Variants in GHR observed in about 807,000 individuals in gnomAD.
GHR encodes GH receptor.
In GHR, 35 loss-of-function variants were observed where a neutral mutation model predicts 67.1. The observed-to-expected ratio is 0.52, with a 90% CI of 0.40 to 0.69. GHR has a LOEUF of 0.69. GHR is among the 30% of genes least tolerant of loss of function. The probability of loss-of-function intolerance (pLI) is 0.00; values close to 1 mark genes in which losing one functional copy is unlikely to be tolerated. For synonymous variants in GHR, 272 were observed against 269.1 expected, an observed-to-expected ratio of 1.01 and a Z score of -0.10; for missense variants, 792 against 764.6, an observed-to-expected ratio of 1.04 and a Z score of -0.42.
intron 1 of GHR, among the ~76,000 whole-genome samples, chr5:42,553,967 G>A (rs1749172653): frequency 6.6e-6 from 1 of 152,154 alleles, no homozygotes; most frequent in South Asian, 2.1e-4. Context: ...GGGAGATTGA[G>A]ATATTTCTTT....
At chr5:42,544,623 C>A (rs987935775) in intron 1 of GHR, among the ~76,000 whole-genome samples, 3 of 152,118 alleles carry the variant, frequency 2.0e-5, no homozygotes, top group African/African-American at 4.8e-5. Flanking sequence ...AAACTAGAAG[C>A]GATCTATATC....
At chr5:42,521,603 A>T (rs1747478546) in intron 1 of GHR, among the ~76,000 whole-genome samples, 1 of 152,230 alleles carries the variant, frequency 6.6e-6, no homozygotes, top group Admixed American at 6.5e-5. Context: ...AACGATTTTC[A>T]TCTGCCAAAG....
At chr5:42,446,254 T>C (rs952452461) in intron 1 of GHR, among the ~76,000 whole-genome samples, 7 of 152,182 alleles carry the variant, frequency 4.6e-5, no homozygotes, top group African/African-American at 1.7e-4. Context: ...GGAGGAGTTA[T>C]GAGAGACTTC....
chr5:42,635,497 C>T (rs1754135098), intron 3 of GHR, among the ~76,000 whole-genome samples: 1 of 152,154 alleles, frequency 6.6e-6, no homozygotes, highest in Admixed American at 6.5e-5. Context: ...ACAGTCTTTA[C>T]TTATATGGAC....
chr5:42,437,679 G>C (rs1743388507), intron 1 of GHR, among the ~76,000 whole-genome samples: 2 of 151,562 alleles, frequency 1.3e-5, no homozygotes, highest in Non-Finnish European at 2.9e-5. Context: ...TCCTGAGTAG[G>C]TGGGACTACA....
At chr5:42,501,370 T>A (rs961149238) in intron 1 of GHR, among the ~76,000 whole-genome samples, 3 of 150,936 alleles carry the variant, frequency 2.0e-5, no homozygotes, top group Admixed American at 6.6e-5. Context: ...CTTTTTTTTT[T>A]ATCATTACAT....
intron 1 of GHR, among the ~76,000 whole-genome samples, chr5:42,490,985 CTGT>C (rs1746090676): frequency 6.6e-6 from 1 of 152,216 alleles, no homozygotes; most frequent in African/African-American, 2.4e-5. Context: ...ACAGTGCCAG[CTGT>C]TGTCATAATA....
rs114020587 is a variant in GHR at position 42,666,118 on chromosome 5, A to G, written c.137-22772A>G. Among the ~76,000 whole-genome samples the G allele has an allele frequency of 4.8e-3, 710 of 149,384 alleles. 6 individuals carry two copies. Among genetic ancestry groups the G allele is most frequent in the African/African-American group, 0.017 (678 of 40,454 alleles). ...TTCAGCAACAGTTTTCAGGTCTTCT[A>G]TTTTTAAGCCTAATGCAATATATTT... On this transcript the variant is annotated intron_variant, in intron 3 of 9. Transcript: ENST00000230882.
At chr5:42,444,177 A>T (rs1202109968) in intron 1 of GHR, among the ~76,000 whole-genome samples, 7 of 152,214 alleles carry the variant, frequency 4.6e-5, no homozygotes, top group Non-Finnish European at 1.0e-4. Context: ...GAATATAGAA[A>T]TTATACTACA....
chr5:42,718,187 T>C, intron 9 of GHR, 66 bp downstream of exon 9: 1 of 878,498 alleles, frequency 1.1e-6, no homozygotes. Context: ...CTGTCATATG[T>C]TGAAGGTTTT....
In GHR at chr5:42,482,481, G is replaced by A. The variant is rs574209443; in HGVS notation, c.-12+58526G>A. Among the ~76,000 whole-genome samples, 5 of 152,326 alleles carry A rather than the reference G, an allele frequency of 3.3e-5. No homozygotes were observed. The South Asian group carries it at 1.0e-3, about 32-fold the overall frequency. The stretch of plus-strand genomic sequence containing the variant: ...TTTGTCTGTGCCCTGCCCTCAGAGA[G>A]GGAGCCTACAGAGGCAGGCAGGCCT... On this transcript the variant is annotated intron_variant, in intron 1 of 9. Transcript: ENST00000230882.
intron 2 of GHR, among the ~76,000 whole-genome samples, chr5:42,576,308 A>G (rs991292253): frequency 3.3e-5 from 5 of 151,982 alleles, no homozygotes; most frequent in Admixed American, 6.6e-5. Context: ...TCAATGAGGT[A>G]ACACAAGTAA....
At chr5:42,634,842 G>A (rs747513270) in intron 3 of GHR, among the ~76,000 whole-genome samples, 3 of 151,930 alleles carry the variant, frequency 2.0e-5, no homozygotes, top group African/African-American at 4.8e-5. Context: ...TCCTGCCTGC[G>A]GCCCACCACT....
intron 1 of GHR, among the ~76,000 whole-genome samples, chr5:42,516,928 G>A (rs1279516681): frequency 6.6e-6 from 1 of 152,182 alleles, no homozygotes; most frequent in Non-Finnish European, 1.5e-5. Flanking sequence ...GTGCCAGAGT[G>A]TGTAATTATT....
intron 6 of GHR, among the ~76,000 whole-genome samples, chr5:42,705,578 C>G (rs1024916950): frequency 6.6e-5 from 10 of 151,968 alleles, no homozygotes; most frequent in Non-Finnish European, 1.3e-4. Context: ...CCAGTAGGCC[C>G]CAGTATCTGT....
chr5:42,535,566 G>T (rs765591546), intron 1 of GHR, among the ~76,000 whole-genome samples: 1 of 152,136 alleles, frequency 6.6e-6, no homozygotes, highest in East Asian at 1.9e-4. Context: ...TGGCCTTAGA[G>T]TATAGTTTGA....
intron 1 of GHR, among the ~76,000 whole-genome samples, chr5:42,438,026 T>C (rs1289578790): frequency 6.6e-6 from 1 of 152,234 alleles, no homozygotes; most frequent in African/African-American, 2.4e-5. Flanking sequence ...AGGCTCACTT[T>C]AGTAACTGCT....
intron 1 of GHR, among the ~76,000 whole-genome samples, chr5:42,445,314 GA>G (rs1192235591): frequency 1.3e-5 from 2 of 152,198 alleles, no homozygotes; most frequent in Admixed American, 1.3e-4. Context: ...TGCACATTAT[GA>G]GGGAACTATG....
chr5:42,580,837 G>A (rs1326259540), intron 2 of GHR, among the ~76,000 whole-genome samples: 1 of 152,158 alleles, frequency 6.6e-6, no homozygotes, highest in Admixed American at 6.5e-5. Flanking sequence ...CTGCAGAGTG[G>A]TCCTCAGCAG....
Sources: allele counts gnomAD v4.1 joint callset (sites outside exome capture counted in the v4.1 genomes callset), GRCh38; gene constraint gnomAD v4.1.1; transcripts MANE v1.5; gene names NCBI Gene and HGNC (gene_info 2026-07-23, HGNC 2026-07-21).